HOOK3: variants seen among roughly 807,000 people sequenced by gnomAD.
HOOK3 encodes the protein hook microtubule tethering protein 3.
HOOK3 carries 24 observed loss-of-function variants against 116.3 expected under a neutral mutation model. The observed-to-expected ratio is 0.21, with a 90% confidence interval of 0.15 to 0.29. The LOEUF is 0.29. HOOK3 is among the 10% of genes least tolerant of loss of function. The pLI, the probability that HOOK3 is intolerant of heterozygous loss-of-function variation, is 1.00. For synonymous variants in HOOK3, 275 were observed against 283.0 expected, an observed-to-expected ratio of 0.97 and a Z score of 0.28; for missense variants, 632 against 830.2, an observed-to-expected ratio of 0.76 and a Z score of 2.93.
At chr8:42,967,964 A>T (rs567138065) in intron 10 of HOOK3, 49 bp from the exon 11 acceptor site, 3 of 1,026,962 alleles carry the variant, frequency 2.9e-6, no homozygotes, top group African/African-American at 3.2e-5. Context: ...AAACAACTTT[A>T]CAAGTGTGGA....
intron 2 of HOOK3, among the ~76,000 whole-genome samples, chr8:42,914,415 T>C (rs1477377878): frequency 6.6e-6 from 1 of 152,248 alleles, no homozygotes; most frequent in African/African-American, 2.4e-5. Context: ...CTTATAATTA[T>C]GAATAATATG....
chr8:42,936,253 T>C (rs1807969710), intron 4 of HOOK3, among the ~76,000 whole-genome samples: 1 of 152,222 alleles, frequency 6.6e-6, no homozygotes, highest in African/African-American at 2.4e-5. Flanking sequence ...TCCTGAGACT[T>C]TGCTGAAGTT....
intron 21 of HOOK3, among the ~76,000 whole-genome samples, chr8:43,015,681 A>G (rs1809698611): frequency 6.6e-6 from 1 of 152,206 alleles, no homozygotes; most frequent in Non-Finnish European, 1.5e-5. Flanking sequence ...TTAGCAATCT[A>G]GGAGCTCTGC....
intron 17 of HOOK3, among the ~76,000 whole-genome samples, chr8:43,005,608 C>T (rs1809469560): frequency 6.6e-6 from 1 of 152,028 alleles, no homozygotes; most frequent in African/African-American, 2.4e-5. Context: ...ACTTTGGTTA[C>T]CTCTGGGAAG....
intron 15 of HOOK3, among the ~76,000 whole-genome samples, chr8:42,991,416 T>C (rs1809158489): frequency 6.7e-6 from 1 of 149,670 alleles, no homozygotes; most frequent in African/African-American, 2.5e-5. Flanking sequence ...TTTTTTTTCC[T>C]TTTGGAGATA....
rs188892016 is a variant in HOOK3, at chr8:42,944,063, A to G, written c.400+618A>G. Among the ~76,000 whole-genome samples the G allele has an allele frequency of 1.2e-3, 186 of 152,340 alleles. 1 individual carries two copies. The highest frequency in any genetic ancestry group is 4.3e-3 in the African/African-American group (180 of 41,580). ...TTGACTATCTTTTAAAGGAAGGAAT[A>G]GTATTACATATATCAAAATTGTTTC... On this transcript the variant is annotated intron_variant, in intron 5 of 21. Transcript: ENST00000307602.
rs757092870 is a variant in HOOK3 at position 42,925,554 on chromosome 8, C to T, written c.144-3C>T. 234 of 1,580,252 alleles carry T rather than the reference C, an allele frequency of 1.5e-4. 2 individuals carry two copies. The highest frequency in any genetic ancestry group is 3.7e-5 in the Non-Finnish European group (43 of 1,162,072). On this transcript the variant is annotated splice_region_variant and splice_polypyrimidine_tract_variant and intron_variant, in intron 2 of 21. Transcript: ENST00000307602. ...AATATGTAAGCTTTTTCTTATTTTG[C>T]AGAGATCCTGCATATTTTGATGAAA...
intron 5 of HOOK3, among the ~76,000 whole-genome samples, chr8:42,947,972 A>G (rs954406278): frequency 2.0e-5 from 3 of 152,206 alleles, no homozygotes; most frequent in African/African-American, 7.2e-5. Context: ...ATGTTGACTC[A>G]GTGCACATTT....
intron 3 of HOOK3, 69 bp from the exon 4 acceptor site, chr8:42,930,053 T>G (rs1807844598): frequency 7.0e-7 from 1 of 1,434,370 alleles, no homozygotes; most frequent in Admixed American, 2.5e-5. Flanking sequence ...GGCTCAGAAA[T>G]TTTTTATGTT....
chr8:42,927,252 T>C (rs1285385033), intron 3 of HOOK3, among the ~76,000 whole-genome samples: 1 of 151,576 alleles, frequency 6.6e-6, no homozygotes, highest in East Asian at 1.9e-4. Context: ...CTGGTTTTTT[T>C]TTTTTTTTGG....
chr8:42,897,371 G>A, intron 1 of HOOK3, 183 bp downstream of exon 1: 1 of 396,612 alleles, frequency 2.5e-6, no homozygotes, highest in Non-Finnish European at 4.4e-6. Context: ...CTGAGGCGTC[G>A]CTGTTCCGGG....
At position 42,968,191 on chromosome 8, in the gene HOOK3, C is replaced by A; in HGVS notation, c.1099C>A (p.Gln367Lys). ...AAGAAAGGCCAACGCAGCGCGAAGTCAACTTGAAACCTACAAGAGACAGGT... is the reference window on the plus strand; with the variant it reads ...AAGAAAGGCCAACGCAGCGCGAAGTAAACTTGAAACCTACAAGAGACAGGT... The part of the protein sequence containing the change: ...ELRKANAARS[Q>K]LETYKRQVVE... Residue 367 changes from glutamine (Q) to lysine (K), a missense_variant, in exon 11 of 22, where the codon CAA (glutamine) becomes AAA (lysine). Physicochemically the swap from Gln to Lys is moderately conservative, Grantham distance 53 (BLOSUM62 1). Around this residue, in one of 3 missense-constraint regions of HOOK3, gnomAD observed 483 missense variants for 648.1 expected, o/e 0.75. Transcript: ENST00000307602. 6.2e-7 allele frequency: 1 copy of A among 1,613,272 alleles called. No individual in the cohort carries two copies. Among genetic ancestry groups the A allele is most frequent in the South Asian group, 1.1e-5 (1 of 90,836 alleles).
Position 42,982,750 on chromosome 8 carries a change from G to A in HOOK3, c.1391+54G>A, listed in dbSNP as rs1216769994. ...ACTGCACAGTATTCTTGGAGAAAAC[G>A]TACTTCTCTACAATATGAAGAAGAT... On this transcript the variant is annotated intron_variant, in intron 14 of 21. Transcript: ENST00000307602. The A allele has an allele frequency of 1.7e-5, 19 of 1,119,344 alleles. No individual in the cohort carries two copies. In the East Asian group the frequency reaches 2.1e-4, roughly 12 times the overall value. The allele number at this position is 1,119,344 out of a possible 1,614,324, so 69.3% of individuals were successfully genotyped here.
chr8:42,952,273 CAAATT>C (rs1396302442), intron 6 of HOOK3, among the ~76,000 whole-genome samples: 2 of 152,186 alleles, frequency 1.3e-5, no homozygotes, highest in African/African-American at 4.8e-5. Flanking sequence ...GGATACAAAT[CAAATT>C]AAATGCGTTT....
chr8:43,013,584 C>T (rs1809653600), intron 21 of HOOK3, among the ~76,000 whole-genome samples, 184 bp downstream of exon 21: 1 of 152,140 alleles, frequency 6.6e-6, no homozygotes, highest in Non-Finnish European at 1.5e-5. Context: ...CCACTGTAAA[C>T]AGGGTTAGAG....
At chr8:43,012,273 C>T (rs79209105) in intron 19 of HOOK3, among the ~76,000 whole-genome samples, 1,844 of 152,190 alleles carry the variant, frequency 0.012, 40 homozygotes, top group African/African-American at 0.04. Context: ...CACAACTAGG[C>T]GATATGGTAT....
intron 2 of HOOK3, among the ~76,000 whole-genome samples, chr8:42,918,988 G>A (rs1288810384): frequency 6.6e-6 from 1 of 151,592 alleles, no homozygotes; most frequent in African/African-American, 2.4e-5. Flanking sequence ...TTCCCAGACG[G>A]GGCGGCCGGG....
chr8:42,987,237 C>T (rs775660105), intron 15 of HOOK3, among the ~76,000 whole-genome samples: 1 of 152,216 alleles, frequency 6.6e-6, no homozygotes, highest in Non-Finnish European at 1.5e-5. Flanking sequence ...GTGCTGTTCT[C>T]TTTCCCTTTT....
intron 8 of HOOK3, among the ~76,000 whole-genome samples, chr8:42,962,796 CTTTTT>C (rs34722373): frequency 2.0e-5 from 2 of 99,348 alleles, no homozygotes; most frequent in Non-Finnish European, 3.8e-5. Flanking sequence ...ACTTCTTCTT[CTTTTT>C]TTTTTTTTTT....
Sources: allele counts gnomAD v4.1 joint callset (sites outside exome capture counted in the v4.1 genomes callset), GRCh38; gene constraint gnomAD v4.1.1; regional missense constraint gnomAD v4.1.1; transcripts MANE v1.5; gene names NCBI Gene and HGNC (gene_info 2026-07-23, HGNC 2026-07-21).